SMYD1: variants seen among roughly 807,000 people sequenced by gnomAD.
SMYD1 encodes the protein SET and MYND domain containing 1, also known as histone-lysine N-methyltransferase SMYD1.
Under a neutral mutation model 54.0 loss-of-function variants are expected in SMYD1, and 49 were observed. The observed-to-expected ratio is 0.91, with a 90% CI of 0.72 to 1.15. The LOEUF is 1.15. Among genes scored for constraint, SMYD1 ranks in the 50% most tolerant of loss-of-function variants. The pLI, the probability that SMYD1 is intolerant of heterozygous loss-of-function variation, is 0.00. For synonymous variants in SMYD1, 269 were observed against 234.2 expected, an observed-to-expected ratio of 1.15 and a Z score of -1.36; for missense variants, 653 against 639.6, an observed-to-expected ratio of 1.02 and a Z score of -0.23.
Position 88,113,099 on chromosome 2 carries a change from G to A in SMYD1, c.*2587G>A, listed in dbSNP as rs1006807778. ...TTTCCTGTCTCCTCTCCTCTGATCTGTTCTTTCTTGGAACACCACCCAAGA... is the reference window on the plus strand; with the variant it reads ...TTTCCTGTCTCCTCTCCTCTGATCTATTCTTTCTTGGAACACCACCCAAGA... On this transcript the variant is annotated 3_prime_UTR_variant, in exon 10 of 10. Transcript: ENST00000419482. 2 of 152,082 alleles carry A rather than the reference G, an allele frequency of 1.3e-5. No homozygotes were observed. Among genetic ancestry groups the A allele is most frequent in the South Asian group, 4.1e-4 (2 of 4,826 alleles). 9.4% of individuals were successfully genotyped at this position (152,082 alleles called of 1,614,324 possible). A position where few individuals can be genotyped will look rare whatever the true frequency, so the allele number is the denominator to read the frequency against.
chr2:88,092,672 T>C (rs547740694), intron 4 of SMYD1, among the ~76,000 whole-genome samples: 12 of 152,378 alleles, frequency 7.9e-5, no homozygotes, highest in African/African-American at 2.9e-4. Context: ...TCTCAGCATT[T>C]GTGTTTCCTT....
At chr2:88,088,121 T>C (rs1674382989) in intron 3 of SMYD1, 46 bp downstream of exon 3, 2 of 1,538,920 alleles carry the variant, frequency 1.3e-6, no homozygotes, top group African/African-American at 2.7e-5. Flanking sequence ...CTGTCTCCTC[T>C]TTCCTTCCCT....
chr2:88,084,184 A>C, intron 1 of SMYD1, 132 bp from the exon 2 acceptor site: 1 of 676,438 alleles, frequency 1.5e-6, no homozygotes, highest in African/African-American at 1.8e-5. Flanking sequence ...TCATTTTGGA[A>C]GGTGGAAATC....
chr2:88,096,035 C>T (rs1000840336), intron 5 of SMYD1, among the ~76,000 whole-genome samples: 1 of 152,142 alleles, frequency 6.6e-6, no homozygotes, highest in African/African-American at 2.4e-5. Context: ...TGTTTATTTG[C>T]CTTCAGTGAT....
chr2:88,087,944 C>T lies in SMYD1; in HGVS notation c.397C>T (p.Gln133Ter), dbSNP rs868763410. The change falls in exon 3 of 10, where the codon CAG becomes TAG. Residue 133 changes from glutamine to a stop codon, truncating the protein, a stop_gained. Coordinates refer to ENST00000419482, the MANE Select transcript of SMYD1 (RefSeq NM_198274.4). LOFTEE classifies it high-confidence loss of function. ...CTGCCTGGTGTCCGTGGACGACTTG[C>T]AGAACCACGTGGAGCACTTTGGGGA... is the stretch of plus-strand genomic sequence containing the variant. ...EGCLVSVDDL[Q>*]NHVEHFGEEE... 1.2e-6 allele frequency: 2 copies of T among 1,614,068 alleles called. No homozygotes were observed. Among genetic ancestry groups the T allele is most frequent in the South Asian group, 1.1e-5 (1 of 91,084 alleles).
intron 6 of SMYD1, among the ~76,000 whole-genome samples, chr2:88,099,887 C>T (rs937333500): frequency 6.6e-6 from 1 of 151,262 alleles, no homozygotes; most frequent in African/African-American, 2.4e-5. Flanking sequence ...TGGCCCTTCC[C>T]CCTTTCATCT....
chr2:88,088,833 C>T (rs1248093451), intron 3 of SMYD1, among the ~76,000 whole-genome samples: 1 of 152,046 alleles, frequency 6.6e-6, no homozygotes, highest in African/African-American at 2.4e-5. Flanking sequence ...TGGGAGCAAC[C>T]AAGCCAGACG....
At chr2:88,106,926 C>T (rs538619385) in intron 8 of SMYD1, among the ~76,000 whole-genome samples, 11 of 152,118 alleles carry the variant, frequency 7.2e-5, no homozygotes, top group African/African-American at 2.7e-4. Flanking sequence ...TCTGGCCAGG[C>T]GCGGTGGCTC....
At position 88,108,501 on chromosome 2, in the gene SMYD1, A is replaced by G; in HGVS notation, c.1276A>G (p.Thr426Ala). 6.2e-7 allele frequency: 1 copy of G among 1,608,230 alleles called. No individual in the cohort carries two copies. The highest frequency in any genetic ancestry group is 8.5e-7 in the Non-Finnish European group (1 of 1,177,486). The change falls in exon 9 of 10, where the codon ACA (threonine) becomes GCA (alanine). Residue 426 changes from threonine (T) to alanine (A), a missense_variant. Thr to Ala is a moderately conservative substitution (Grantham distance 58). Transcript: ENST00000419482. ...CAAAGCCTATGCCATTCTCCTGGTG[A>G]CACACGGACCCTCCCACCCCATCAC... Reference protein sequence around the residue: ...ICKAYAILLVTHGPSHPITKD... With the variant: ...ICKAYAILLVAHGPSHPITKD...
In SMYD1 at chr2:88,084,320, G is replaced by A. The variant is rs1168683014; in HGVS notation, c.142G>A (p.Val48Ile). 1.3e-6 allele frequency: 2 copies of A among 1,567,898 alleles called. No homozygotes were observed. The highest frequency in any genetic ancestry group is 2.3e-5 in the South Asian group (2 of 87,838). Reference sequence around the variant, plus strand: ...GTCTTCTTTCTCCATTTCCAGCCTTGTTAATTTTGTGTGCCACACCTGCTT... The same window carrying A: ...GTCTTCTTTCTCCATTTCCAGCCTTATTAATTTTGTGTGCCACACCTGCTT... ...AYSAVVFDSL[V>I]NFVCHTCFKR... is the part of the protein sequence containing the mutation. The change falls in exon 2 of 10, where the codon GTT becomes ATT. Residue 48 changes from valine to isoleucine, a missense_variant. Val to Ile is a conservative substitution (Grantham distance 29, BLOSUM62 3). Transcript: ENST00000419482.
In SMYD1 at chr2:88,107,612, C is replaced by T. The variant is rs1275400655; in HGVS notation, c.1146-759C>T. ...CCTCCCAGTTCGAGCTTCCCAGCGGCTTTGTTTACCTACTCAAGCCTCAGC... is the reference window on the plus strand; with the variant it reads ...CCTCCCAGTTCGAGCTTCCCAGCGGTTTTGTTTACCTACTCAAGCCTCAGC... On this transcript the variant is annotated intron_variant, in intron 8 of 9. Coordinates refer to ENST00000419482, the MANE Select transcript of SMYD1 (RefSeq NM_198274.4). Among the ~76,000 whole-genome samples the T allele has an allele frequency of 4.6e-5, 7 of 152,322 alleles. No homozygotes were observed. The South Asian group carries it at 6.2e-4, about 14-fold the overall frequency.
chr2:88,082,015 G>A (rs1444597880), intron 1 of SMYD1, among the ~76,000 whole-genome samples: 1 of 152,202 alleles, frequency 6.6e-6, no homozygotes, highest in Non-Finnish European at 1.5e-5. Flanking sequence ...TGAGGCAGAT[G>A]TAAGAAATTC....
At chr2:88,093,644 T>G in intron 5 of SMYD1, 89 bp downstream of exon 5, 1 of 1,414,418 alleles carries the variant, frequency 7.1e-7, no homozygotes, top group African/African-American at 1.4e-5. Context: ...CCGAGACTTC[T>G]TGGCTGCCAT....
chr2:88,068,064 CT>C (rs1673870202), intron 1 of SMYD1, 63 bp downstream of exon 1: 2 of 1,528,592 alleles, frequency 1.3e-6, no homozygotes, highest in South Asian at 2.5e-5. Flanking sequence ...CTCTAAAATA[CT>C]TTGCTCTCAA....
Position 88,087,977 on chromosome 2 carries a change from C to T in SMYD1, c.430C>T (p.Gln144Ter). 6.2e-7 allele frequency: 1 copy of T among 1,614,170 alleles called. No individual in the cohort carries two copies. The highest frequency in any genetic ancestry group is 8.5e-7 in the Non-Finnish European group (1 of 1,180,014). The change falls in exon 3 of 10, where the codon CAG becomes TAG. Residue 144 changes from glutamine (Q) to a stop codon, truncating the protein, a stop_gained. Coordinates refer to ENST00000419482, the MANE Select transcript of SMYD1 (RefSeq NM_198274.4). LOFTEE classifies it high-confidence loss of function. ...CGTGGAGCACTTTGGGGAGGAGGAG[C>T]AGAAGGACCTGCGGGTGGACGTGGA... ...NHVEHFGEEEQKDLRVDVDTF... is the reference protein window; with the variant it reads ...NHVEHFGEEE
chr2:88,074,399 T>C (rs1010089044), intron 1 of SMYD1, among the ~76,000 whole-genome samples: 1 of 152,226 alleles, frequency 6.6e-6, no homozygotes, highest in African/African-American at 2.4e-5. Context: ...TCCTGCCTCC[T>C]CTTATAAGGA....
At position 88,106,137 on chromosome 2, in the gene SMYD1, A is replaced by C. The variant is rs1674862298; in HGVS notation, c.982-188A>C. Among the ~76,000 whole-genome samples, 12 of 152,082 alleles carry C rather than the reference A, an allele frequency of 7.9e-5. No individual in the cohort carries two copies. In the South Asian group the frequency reaches 2.5e-3, roughly 32 times the overall value. ...CATGTCTCACACCATTACCCTTCCC[A>C]TTCTTACACCTTAGCCAACAGGACC... is the stretch of plus-strand genomic sequence containing the variant. On this transcript the variant is annotated intron_variant, in intron 7 of 9. Coordinates refer to ENST00000419482, the MANE Select transcript of SMYD1 (RefSeq NM_198274.4).
intron 6 of SMYD1, among the ~76,000 whole-genome samples, chr2:88,101,885 C>G (rs1389535381): frequency 6.6e-6 from 1 of 152,198 alleles, no homozygotes; most frequent in South Asian, 2.1e-4. Context: ...GGATTACAGG[C>G]GTGAGCCATC....
At chr2:88,074,119 G>A (rs1265167918) in intron 1 of SMYD1, among the ~76,000 whole-genome samples, 1 of 152,226 alleles carries the variant, frequency 6.6e-6, no homozygotes, top group African/African-American at 2.4e-5. Context: ...GCCTGCCTCA[G>A]CCTCCAAAAG....
Sources: gnomAD v4.1 joint callset for allele counts (sites outside exome capture counted in the v4.1 genomes callset) on GRCh38, gnomAD v4.1.1 for gene constraint, MANE v1.5 for transcripts, NCBI Gene and HGNC (gene_info 2026-07-23, HGNC 2026-07-21) for gene names.